Variants in HSPG2 observed in about 807,000 individuals in gnomAD.
HSPG2 encodes the protein basement membrane-specific heparan sulfate proteoglycan core protein.
HSPG2 carries 278 observed loss-of-function variants against 526.6 expected under a neutral mutation model. The observed-to-expected ratio is 0.53, with a 90% CI of 0.48 to 0.58. HSPG2 has a LOEUF of 0.58. Ranked by LOEUF, HSPG2 falls within the 20% of genes least tolerant of loss-of-function variation. The pLI is 0.00. For missense variants in HSPG2, 5,354 were observed against 6,099.5 expected, an observed-to-expected ratio of 0.88 and a Z score of 4.07; for synonymous variants, 2,465 against 2,555.4, an observed-to-expected ratio of 0.96 and a Z score of 1.07.
intron 44 of HSPG2, 57 bp from the exon 45 acceptor site, chr1:21,855,969 A>G (rs981013757): frequency 5.6e-6 from 9 of 1,593,702 alleles, no homozygotes; most frequent in Middle Eastern, 1.7e-4. Flanking sequence ...TCTGACTCAC[A>G]CAACAGTCCT....
At position 21,894,236 on chromosome 1, in the gene HSPG2, AG is replaced by A. The variant is rs922557721; in HGVS notation, c.244+1685del. Among the ~76,000 whole-genome samples, 11 of 151,928 alleles carry A rather than the reference AG, an allele frequency of 7.2e-5. 1 individual carries two copies. The highest frequency in any genetic ancestry group is 7.2e-4 in the Admixed American group (11 of 15,264). On this transcript the variant is annotated intron_variant, in intron 3 of 96. Transcript: ENST00000374695. The stretch of plus-strand genomic sequence containing the variant: ...GAGCCAGGGAGCCACAGCCATGCCC[AG>A]GGGGAGGAGGGGAAGAGCCATCTCA...
intron 1 of HSPG2, among the ~76,000 whole-genome samples, chr1:21,900,105 C>T (rs905811694): frequency 5.3e-5 from 8 of 152,328 alleles, no homozygotes; most frequent in Non-Finnish European, 1.0e-4. Flanking sequence ...TGAGGGAGCC[C>T]GGCTTCCTCC....
rs1470720625 is a variant in HSPG2, at chr1:21,885,241, A to G, written c.1210+79T>C. ...GGGCTCCGAGGGGCTAGGAGGGAGA[A>G]GGGTGGAGGCTGAGGCTGTGGACAG... On this transcript the variant is annotated intron_variant, in intron 10 of 96. Transcript: ENST00000374695. 1.9e-6 allele frequency: 3 copies of G among 1,608,504 alleles called. No individual in the cohort carries two copies. In the Admixed American group the frequency reaches 5.0e-5, roughly 27 times the overall value.
At chr1:21,926,278 G>C (rs1203094178) in intron 1 of HSPG2, among the ~76,000 whole-genome samples, 1 of 152,198 alleles carries the variant, frequency 6.6e-6, no homozygotes, top group Non-Finnish European at 1.5e-5. Context: ...TAATGAGAAG[G>C]TGTCAGCACT....
rs746080736 is a variant in HSPG2 at position 21,828,953 on chromosome 1, G to C, written c.12119C>G (p.Pro4040Arg). 3 of 1,576,788 alleles carry C rather than the reference G, an allele frequency of 1.9e-6. No homozygotes were observed. In the East Asian group the frequency reaches 7.0e-5, roughly 37 times the overall value. ...CAGGTTGAGGCCCTGGCTCTTGCCG[G>C]GCGAGGAGCGCAGCACAGGGCGTCC... ...NGGRPVLRSS[P>R]GKSQGLNLHT... Residue 4040 changes from proline to arginine, a missense_variant, in exon 88 of 97, where the codon CCC becomes CGC. Pro to Arg is a moderately radical substitution (Grantham distance 103). Coordinates refer to ENST00000374695, the MANE Select transcript of HSPG2 (RefSeq NM_005529.7). This position sits in a 1 kb window ranked among gnomAD's most constrained non-coding sequence, Gnocchi z 6.0.
Position 21,839,789 on chromosome 1 carries a change from C to T in HSPG2, c.9709+33G>A. 6.2e-7 allele frequency: 1 copy of T among 1,609,256 alleles called. No homozygotes were observed. Among genetic ancestry groups the T allele is most frequent in the Non-Finnish European group, 8.5e-7 (1 of 1,178,206 alleles). Reference sequence around the variant, plus strand: ...TTTCAGACCCCAGGGCATCCCTGCCCTGCCAGCCCTATGTGCCAGCCCTTG... The same window carrying T: ...TTTCAGACCCCAGGGCATCCCTGCCTTGCCAGCCCTATGTGCCAGCCCTTG... On this transcript the variant is annotated intron_variant, in intron 72 of 96. Coordinates refer to ENST00000374695, the MANE Select transcript of HSPG2 (RefSeq NM_005529.7). The surrounding 1 kb of genome is among the most constrained non-coding windows in gnomAD (Gnocchi z 4.5).
intron 39 of HSPG2, among the ~76,000 whole-genome samples, chr1:21,860,922 G>A (rs1053923349): frequency 1.3e-5 from 2 of 152,238 alleles, no homozygotes; most frequent in African/African-American, 2.4e-5. Flanking sequence ...ACATGAAAAT[G>A]AGAGTGCAGG....
intron 3 of HSPG2, among the ~76,000 whole-genome samples, chr1:21,892,730 T>C (rs1642454290): frequency 6.6e-6 from 1 of 151,968 alleles, no homozygotes; most frequent in Admixed American, 6.6e-5. Flanking sequence ...TGGTAGTGCA[T>C]GCCTGTAATC....
chr1:21,907,220 A>G (rs540245881), intron 1 of HSPG2, among the ~76,000 whole-genome samples: 29 of 152,278 alleles, frequency 1.9e-4, no homozygotes, highest in African/African-American at 6.3e-4. Flanking sequence ...CCCAGAGAGA[A>G]AGAGAGCTTC....
chr1:21,908,586 A>AT (rs1643503562), intron 1 of HSPG2: 3 of 646,698 alleles, frequency 4.6e-6, no homozygotes, highest in East Asian at 2.8e-5. Context: ...CATAATAGGT[A>AT]TTTAAAAAAA....
intron 1 of HSPG2, among the ~76,000 whole-genome samples, chr1:21,908,900 A>G (rs1247360807): frequency 6.6e-6 from 1 of 152,228 alleles, no homozygotes; most frequent in East Asian, 1.9e-4. Flanking sequence ...GGTGGTCAGG[A>G]GTTCGAGACC....
chr1:21,836,877 C>T lies in HSPG2; in HGVS notation c.10280G>A (p.Arg3427Gln), dbSNP rs142939330. Residue 3427 changes from arginine to glutamine, a missense_variant, in exon 75 of 97, where the codon CGG becomes CAG. Transcript: ENST00000374695. ...CTTGAACCAACGGAGCTGGGTACCC[C>T]GGTCGCTGGGCACAGCACAGTGGAA... is the stretch of plus-strand genomic sequence containing the variant. ...VEFHCAVPSD[R>Q]GTQLRWFKEG... 834 of 1,575,502 alleles carry T rather than the reference C, an allele frequency of 5.3e-4. No homozygotes were observed. The highest frequency in any genetic ancestry group is 4.2e-3 in the Middle Eastern group (25 of 6,014).
chr1:21,922,755 T>A (rs929378279), intron 1 of HSPG2, among the ~76,000 whole-genome samples: 1 of 151,966 alleles, frequency 6.6e-6, no homozygotes, highest in African/African-American at 2.4e-5. Flanking sequence ...GCTAGAGAAT[T>A]CCCTTCAATT....
Position 21,890,459 on chromosome 1 carries a change from G to A in HSPG2, c.381C>T (p.Pro127=), listed in dbSNP as rs761552629. Residue 127 remains proline, a synonymous_variant, in exon 5 of 97, where the codon CCC becomes CCT. Transcript: ENST00000374695. This position sits in a 1 kb window ranked among gnomAD's most constrained non-coding sequence, Gnocchi z 4.1. ...ACACCACACTGACAACCTGGTCTCC[G>A]GGAATTTTCAAGTACTCCGACTCCA... ...DTLESEYLKI[P]GDQVVSVVFI... 20 of 1,613,810 alleles carry A rather than the reference G, an allele frequency of 1.2e-5. No individual in the cohort carries two copies. Among genetic ancestry groups the A allele is most frequent in the East Asian group, 2.2e-5 (1 of 44,892 alleles).
chr1:21,879,944 C>T (rs1371975449), intron 17 of HSPG2, among the ~76,000 whole-genome samples, 163 bp downstream of exon 17: 3 of 152,222 alleles, frequency 2.0e-5, no homozygotes, highest in East Asian at 1.9e-4. Context: ...TGAGCCACTG[C>T]GCCTGACCTA....
chr1:21,868,091 T>G (rs904088700), intron 33 of HSPG2, among the ~76,000 whole-genome samples: 9 of 150,574 alleles, frequency 6.0e-5, no homozygotes, highest in Admixed American at 2.7e-4. Flanking sequence ...CAGGCTGGAG[T>G]GAAGTGGCAT....
chr1:21,875,533 G>A, intron 25 of HSPG2, 96 bp downstream of exon 25: 1 of 912,330 alleles, frequency 1.1e-6, no homozygotes, highest in Non-Finnish European at 1.8e-6. Flanking sequence ...GGCACAAAAG[G>A]GTCACACAGT....
chr1:21,856,976 A>G (rs1481540580), intron 44 of HSPG2, 39 bp downstream of exon 44: 1 of 1,594,362 alleles, frequency 6.3e-7, no homozygotes, highest in Non-Finnish European at 8.6e-7. Context: ...AATGGGGGAG[A>G]GACAGGAGGG....
chr1:21,878,886 A>T, intron 18 of HSPG2, 108 bp downstream of exon 18: 1 of 1,398,028 alleles, frequency 7.2e-7, no homozygotes. Flanking sequence ...TAACTTAGTG[A>T]TCAGGTAGAG....
Sources: allele counts gnomAD v4.1 joint callset (sites outside exome capture counted in the v4.1 genomes callset), GRCh38; gene constraint gnomAD v4.1.1; non-coding constraint Gnocchi (gnomAD v3.1); transcripts MANE v1.5; gene names NCBI Gene and HGNC (gene_info 2026-07-23, HGNC 2026-07-21).